NLGN4Y: variants seen among roughly 807,000 people sequenced by gnomAD.
NLGN4Y encodes neuroligin-4, Y-linked.
NLGN4Y carries 4 observed loss-of-function variants against 8.4 expected under a neutral mutation model. That is an observed-to-expected ratio of 0.48 (90% CI 0.23 to 1.09). The LOEUF is 1.09. NLGN4Y is among the 50% of genes least tolerant of loss of function. The pLI, the probability that NLGN4Y is intolerant of heterozygous loss-of-function variation, is 0.19. For synonymous variants in NLGN4Y, 35 were observed against 75.6 expected, an observed-to-expected ratio of 0.46 and a Z score of 2.78; for missense variants, 90 against 192.3, an observed-to-expected ratio of 0.47 and a Z score of 3.15.
chrY:14,619,012 G>A, intron 1 of NLGN4Y, among the ~76,000 whole-genome samples: 1 of 33,898 alleles, frequency 3.0e-5, no homozygotes, highest in East Asian at 7.8e-4. Context: ...CTTAGGAAGC[G>A]TACAGGTGCC....
chrY:14,676,316 A>C (rs2080748904), intron 2 of NLGN4Y, among the ~76,000 whole-genome samples: 1 of 33,498 alleles, frequency 3.0e-5, no homozygotes, highest in Non-Finnish European at 7.4e-5. Flanking sequence ...CTCTATCCTT[A>C]CAATTTTATG....
intron 1 of NLGN4Y, among the ~76,000 whole-genome samples, chrY:14,597,858 A>G (rs1603500957): frequency 3.8e-5 from 1 of 26,142 alleles, no homozygotes; most frequent in Non-Finnish European, 9.3e-5. Flanking sequence ...AGATATAAAG[A>G]CTCTCCACGT....
chrY:14,611,992 T>C (rs964398662), intron 1 of NLGN4Y, among the ~76,000 whole-genome samples: 3 of 33,378 alleles, frequency 9.0e-5, no homozygotes, highest in Non-Finnish European at 1.5e-4. Flanking sequence ...TTCCTTTTCA[T>C]TCATTTTTTC....
intron 4 of NLGN4Y, among the ~76,000 whole-genome samples, chrY:14,776,394 T>C (rs2081126323): frequency 3.3e-5 from 1 of 30,673 alleles, no homozygotes; most frequent in African/African-American, 1.2e-4. Context: ...TATTATGTAA[T>C]GTATAATATA....
At chrY:14,567,420 G>T in intron 1 of NLGN4Y, among the ~76,000 whole-genome samples, 2 of 30,799 alleles carry the variant, frequency 6.5e-5, no homozygotes, top group African/African-American at 2.5e-4. Context: ...AGTAGAGAGA[G>T]GTTTCTCCAT....
At chrY:14,792,630 A>AC (rs2042989345) in intron 4 of NLGN4Y, among the ~76,000 whole-genome samples, 1 of 27,352 alleles carries the variant, frequency 3.7e-5, no homozygotes, top group Non-Finnish European at 8.4e-5. Context: ...CTCTACAAAA[A>AC]GAAAAAAAAA....
At chrY:14,733,549 A>G (rs747154396) in intron 4 of NLGN4Y, 41 of 229,328 alleles carry the variant, frequency 1.8e-4, no homozygotes, top group Middle Eastern at 8.2e-4. Context: ...TTCAGATGCA[A>G]TCTATTACAC....
chrY:14,818,982 A>G, intron 4 of NLGN4Y, among the ~76,000 whole-genome samples: 1 of 33,383 alleles, frequency 3.0e-5, no homozygotes, highest in Non-Finnish European at 7.4e-5. Context: ...GTTAGGATCA[A>G]TTGACCCTCG....
At chrY:14,563,461 T>A (rs2080241640) in intron 1 of NLGN4Y, among the ~76,000 whole-genome samples, 1 of 33,211 alleles carries the variant, frequency 3.0e-5, no homozygotes, top group South Asian at 6.7e-4. Flanking sequence ...TATTGAGGAG[T>A]TTCACATTGA....
chrY:14,551,220 A>G lies in NLGN4Y; in HGVS notation c.-112+26512A>G. On this transcript the variant is annotated intron_variant, in intron 1 of 6. Transcript: ENST00000684976. The stretch of plus-strand genomic sequence containing the variant: ...GCATTACATAATGGTAAAGGGATCA[A>G]TGCAACAAGAATAGCTAACTGTCTT... 8.9e-5 allele frequency among the ~76,000 whole-genome samples: 3 copies of G among 33,647 alleles called. No individual in the cohort carries two copies. The South Asian group carries it at 2.0e-3, about 22-fold the overall frequency. The allele number at this position is 33,647 out of a possible 37,273, so 90.3% of individuals were successfully genotyped here.
chrY:14,718,465 A>T (rs2080923617), intron 2 of NLGN4Y, among the ~76,000 whole-genome samples: 2 of 33,526 alleles, frequency 6.0e-5, no homozygotes, highest in African/African-American at 2.3e-4. Flanking sequence ...TCTGTCTATG[A>T]AAAGGAAACA....
At chrY:14,831,802 A>C (rs2043181144) in intron 6 of NLGN4Y, among the ~76,000 whole-genome samples, 1 of 32,247 alleles carries the variant, frequency 3.1e-5, no homozygotes, top group African/African-American at 1.2e-4. Flanking sequence ...TCATGCATAT[A>C]TAAACACATA....
intron 4 of NLGN4Y, among the ~76,000 whole-genome samples, chrY:14,746,068 G>A: frequency 3.0e-5 from 1 of 32,864 alleles, no homozygotes; most frequent in Non-Finnish European, 7.5e-5. Context: ...TCCTCACTAA[G>A]AGGATAGGGG....
At chrY:14,610,227 T>G in intron 1 of NLGN4Y, among the ~76,000 whole-genome samples, 1 of 33,073 alleles carries the variant, frequency 3.0e-5, no homozygotes, top group Non-Finnish European at 7.4e-5. Flanking sequence ...CAGTCTTAGT[T>G]CTTTCTTGTC....
At chrY:14,666,995 C>A in intron 2 of NLGN4Y, among the ~76,000 whole-genome samples, 3 of 32,122 alleles carry the variant, frequency 9.3e-5, no homozygotes, top group Non-Finnish European at 2.3e-4. Flanking sequence ...CTATTATGAA[C>A]GTTTTCAATA....
At chrY:14,631,306 G>A in intron 2 of NLGN4Y, among the ~76,000 whole-genome samples, 1 of 32,423 alleles carries the variant, frequency 3.1e-5, no homozygotes, top group Non-Finnish European at 7.5e-5. Context: ...GATCCACAAA[G>A]AAACAATGAA....
At chrY:14,773,055 G>A in intron 4 of NLGN4Y, among the ~76,000 whole-genome samples, 2 of 32,737 alleles carry the variant, frequency 6.1e-5, no homozygotes, top group Non-Finnish European at 1.5e-4. Context: ...CATAATATTG[G>A]AAGTTCTGGC....
intron 1 of NLGN4Y, among the ~76,000 whole-genome samples, chrY:14,526,086 G>C: frequency 3.0e-5 from 1 of 33,719 alleles, no homozygotes; most frequent in Non-Finnish European, 7.3e-5. Flanking sequence ...CAAGAGACCT[G>C]ATTGCTTTCA....
rs758590463 is a variant in NLGN4Y at position 14,672,220 on chromosome Y, C to T, written c.473-47239C>T. Reference sequence around the variant, plus strand: ...TTAAGTTTTATACACTTAAGGGCAGCCACAACACATGAAAACATTTTATGC... The same window carrying T: ...TTAAGTTTTATACACTTAAGGGCAGTCACAACACATGAAAACATTTTATGC... On this transcript the variant is annotated intron_variant, in intron 2 of 6. Transcript: ENST00000684976. 1.4e-3 allele frequency among the ~76,000 whole-genome samples: 46 copies of T among 32,866 alleles called. No homozygotes were observed. In the South Asian group the frequency reaches 0.025, roughly 18 times the overall value. 88.2% of individuals were successfully genotyped at this position (32,866 alleles called of 37,273 possible). A position where few individuals can be genotyped will look rare whatever the true frequency, so the allele number is the denominator to read the frequency against.
Sources: gnomAD v4.1 joint callset for allele counts (sites outside exome capture counted in the v4.1 genomes callset) on GRCh38, gnomAD v4.1.1 for gene constraint, MANE v1.5 for transcripts, NCBI Gene and HGNC (gene_info 2026-07-23, HGNC 2026-07-21) for gene names.